PDE4D: variants seen among roughly 807,000 people sequenced by gnomAD.
PDE4D encodes the protein 3',5'-cyclic-AMP phosphodiesterase 4D.
In PDE4D, 24 loss-of-function variants were observed where a neutral mutation model predicts 87.4. That is an observed-to-expected ratio of 0.27 (90% CI 0.20 to 0.39). PDE4D has a LOEUF of 0.39. Ranked by LOEUF, PDE4D falls within the 10% of genes least tolerant of loss-of-function variation. The pLI is 1.00. For missense variants in PDE4D, 714 were observed against 1,041.0 expected, an observed-to-expected ratio of 0.69 and a Z score of 4.32; for synonymous variants, 384 against 383.2, an observed-to-expected ratio of 1.00 and a Z score of -0.02.
chr5:59,792,804 C>T (rs1056313069), intron 1 of PDE4D, among the ~76,000 whole-genome samples: 1 of 152,048 alleles, frequency 6.6e-6, no homozygotes, highest in Admixed American at 6.5e-5. Context: ...AGAGATATGG[C>T]TCTGGCTTAG....
intron 1 of PDE4D, among the ~76,000 whole-genome samples, chr5:60,415,343 C>A (rs1035438493): frequency 6.6e-6 from 1 of 152,280 alleles, no homozygotes; most frequent in African/African-American, 2.4e-5. Context: ...GGCCTTGGCG[C>A]CCACTCTGGC....
chr5:59,330,740 T>C (rs140880979), intron 1 of PDE4D, among the ~76,000 whole-genome samples: 214 of 152,336 alleles, frequency 1.4e-3, no homozygotes, highest in African/African-American at 4.9e-3. Flanking sequence ...ATATGTAGAC[T>C]AAATTGAACA....
At chr5:59,928,884 T>C (rs910237706) in intron 3 of PDE4D, among the ~76,000 whole-genome samples, 3 of 149,186 alleles carry the variant, frequency 2.0e-5, no homozygotes, top group African/African-American at 7.5e-5. Flanking sequence ...ATATATATTC[T>C]ATATATCCAT....
intron 1 of PDE4D, among the ~76,000 whole-genome samples, chr5:60,459,615 G>T (rs755485415): frequency 8.6e-5 from 13 of 152,020 alleles, no homozygotes; most frequent in Non-Finnish European, 1.3e-4. Flanking sequence ...CGGTGGTGTT[G>T]ATTCCATACA....
In PDE4D at chr5:59,038,944, T is replaced by G. The variant is rs1213097056; in HGVS notation, c.836A>C (p.Glu279Ala). ...TEEAYQKLAS[E>A]TLEELDWCLD... ...ACACCAGTCCAGCTCCTCCAGGGTC[T>G]CGCTGGCCAGTTTCTGGTAGGCCTC... Residue 279 changes from glutamate (E) to alanine (A), a missense_variant, in exon 6 of 15, where the codon GAG becomes GCG. By Grantham distance (107) the Glu-to-Ala change is moderately radical. This residue lies in a region of PDE4D where 90 missense variants were observed against 177.6 expected (regional missense o/e 0.51). Coordinates refer to ENST00000340635, the MANE Select transcript of PDE4D (RefSeq NM_001104631.2). 1 of 1,597,844 alleles carries G rather than the reference T, an allele frequency of 6.3e-7. No individual in the cohort carries two copies. The highest frequency in any genetic ancestry group is 8.5e-7 in the Non-Finnish European group (1 of 1,171,758).
intron 1 of PDE4D, among the ~76,000 whole-genome samples, chr5:60,474,150 A>ATATATG (rs1274940940): frequency 2.7e-4 from 26 of 96,382 alleles, no homozygotes; most frequent in Non-Finnish European, 4.4e-4. Flanking sequence ...ATATATATAT[A>ATATATG]ACAAAAACCT....
intron 1 of PDE4D, among the ~76,000 whole-genome samples, chr5:59,464,184 C>G (rs1471450011): frequency 6.7e-6 from 1 of 150,012 alleles, no homozygotes; most frequent in Non-Finnish European, 1.5e-5. Flanking sequence ...AAGACCTGAC[C>G]GTCCCCCAGC....
At chr5:59,919,256 G>A (rs1013355781) in intron 3 of PDE4D, among the ~76,000 whole-genome samples, 4 of 152,178 alleles carry the variant, frequency 2.6e-5, no homozygotes, top group African/African-American at 9.7e-5. Context: ...CAGTCTAAGA[G>A]TTTTAGCCTG....
intron 3 of PDE4D, among the ~76,000 whole-genome samples, chr5:59,934,215 C>T (rs1756305219): frequency 6.6e-6 from 1 of 152,148 alleles, no homozygotes; most frequent in African/African-American, 2.4e-5. Context: ...GATCCGCCCA[C>T]CTTGGCCTCT....
intron 1 of PDE4D, among the ~76,000 whole-genome samples, chr5:59,636,591 A>G (rs1832278784): frequency 6.6e-6 from 1 of 152,334 alleles, no homozygotes; most frequent in South Asian, 2.1e-4. Flanking sequence ...GGCCTCAGAA[A>G]CAACACCACA....
intron 1 of PDE4D, among the ~76,000 whole-genome samples, chr5:60,249,452 C>T (rs1748179141): frequency 6.6e-6 from 1 of 151,930 alleles, no homozygotes; most frequent in Non-Finnish European, 1.5e-5. Context: ...TCCAAGAGGA[C>T]AAGTTGTGTC....
At chr5:59,734,393 T>C (rs1256455629) in intron 1 of PDE4D, among the ~76,000 whole-genome samples, 1 of 152,146 alleles carries the variant, frequency 6.6e-6, no homozygotes, top group African/African-American at 2.4e-5. Flanking sequence ...CCTTATTCTA[T>C]TTGTCCTAAG....
chr5:59,383,302 T>C, intron 1 of PDE4D, among the ~76,000 whole-genome samples: 1 of 131,490 alleles, frequency 7.6e-6, no homozygotes, highest in African/African-American at 3.4e-5. Flanking sequence ...TCACTAGCCT[T>C]CCAGCCATTC....
At chr5:59,656,660 G>A (rs1181585898) in intron 1 of PDE4D, among the ~76,000 whole-genome samples, 2 of 152,152 alleles carry the variant, frequency 1.3e-5, no homozygotes, top group Non-Finnish European at 2.9e-5. Context: ...TGTGAGAACT[G>A]TAGGAAGTTT....
intron 1 of PDE4D, among the ~76,000 whole-genome samples, chr5:60,361,050 G>A (rs986971065): frequency 2.6e-5 from 4 of 152,212 alleles, no homozygotes; most frequent in Non-Finnish European, 4.4e-5. Flanking sequence ...CCTACAAAGT[G>A]AGTAAGCCTC....
At chr5:60,267,017 A>G (rs910085489) in intron 1 of PDE4D, among the ~76,000 whole-genome samples, 1 of 152,224 alleles carries the variant, frequency 6.6e-6, no homozygotes, top group South Asian at 2.1e-4. Flanking sequence ...TTTTCCTCTC[A>G]TCAGGCAGAT....
intron 5 of PDE4D, among the ~76,000 whole-genome samples, chr5:59,090,068 C>T (rs1050143281): frequency 6.6e-6 from 1 of 151,900 alleles, no homozygotes; most frequent in Non-Finnish European, 1.5e-5. Flanking sequence ...ATGATTTTCT[C>T]GATTAGTTTA....
intron 1 of PDE4D, among the ~76,000 whole-genome samples, chr5:60,282,157 G>T (rs919670825): frequency 6.7e-6 from 1 of 148,856 alleles, no homozygotes; most frequent in African/African-American, 2.5e-5. Context: ...CTGTGATACA[G>T]AAATTCATGT....
At chr5:59,786,005 G>T (rs1038367572) in intron 1 of PDE4D, among the ~76,000 whole-genome samples, 16 of 149,740 alleles carry the variant, frequency 1.1e-4, no homozygotes, top group African/African-American at 2.7e-4. Flanking sequence ...GGGTGAGGGT[G>T]GGGGGAACTG....
Sources: gnomAD v4.1 joint callset for allele counts (sites outside exome capture counted in the v4.1 genomes callset) on GRCh38, gnomAD v4.1.1 for gene constraint, gnomAD v4.1.1 regional missense constraint, MANE v1.5 for transcripts, NCBI Gene and HGNC (gene_info 2026-07-23, HGNC 2026-07-21) for gene names.